Variants in DRC4 observed in about 807,000 individuals in gnomAD.
The protein encoded by DRC4 is dynein regulatory complex subunit 4.
the DRC4 span, chr16:90,037,456 A>G: frequency 1.3e-6 from 2 of 1,543,426 alleles, no homozygotes; most frequent in East Asian, 4.6e-5. Flanking sequence ...TAGGCTCAGG[A>G]GGGAGGAGCA....
chr16:90,023,229 G>A, the DRC4 span, among the ~76,000 whole-genome samples: 1 of 152,214 alleles, frequency 6.6e-6, no homozygotes, highest in African/African-American at 2.4e-5. Flanking sequence ...ACACCAAGGA[G>A]GCCCGGACAG....
the DRC4 span, chr16:90,042,352 C>T: frequency 7.7e-6 from 6 of 777,906 alleles, no homozygotes; most frequent in African/African-American, 8.5e-5. Context: ...TGGATGCATC[C>T]ATCAAACCAG....
chr16:90,036,500 C>T, the DRC4 span: 1 of 1,613,994 alleles, frequency 6.2e-7, no homozygotes, highest in East Asian at 2.2e-5. Context: ...CACGCTGATG[C>T]AGCGCCACGA....
chr16:90,032,405 T>G, the DRC4 span, among the ~76,000 whole-genome samples: 3 of 144,668 alleles, frequency 2.1e-5, no homozygotes, highest in East Asian at 4.2e-4. Context: ...GGTGAGGAGG[T>G]GTGGTACAGG....
chr16:90,037,336 G>T, the DRC4 span: 2 of 1,614,072 alleles, frequency 1.2e-6, no homozygotes, highest in East Asian at 4.5e-5. Flanking sequence ...AGAAGGCTCG[G>T]GAGGAGATGA....
the DRC4 span, chr16:90,040,475 C>T: frequency 6.2e-7 from 1 of 1,608,110 alleles, no homozygotes; most frequent in South Asian, 1.1e-5. Context: ...AACCTGGACC[C>T]TGCAGCCCTG....
chr16:90,031,582 T>G, the DRC4 span: 2 of 1,389,880 alleles, frequency 1.4e-6, no homozygotes, highest in Admixed American at 4.8e-5. Context: ...GGTGGGACAT[T>G]TTCTGTTCTT....
chr16:90,032,573 G>A, the DRC4 span: 4 of 700,098 alleles, frequency 5.7e-6, no homozygotes, highest in East Asian at 1.1e-4. Context: ...GTAAGGAGGT[G>A]TGGTACAGGT....
At chr16:90,031,228 C>A in the DRC4 span, 1 of 1,599,224 alleles carries the variant, frequency 6.3e-7, no homozygotes, top group Non-Finnish European at 8.5e-7. Context: ...TTGCCTTTCG[C>A]CGGCCACACG....
At chr16:90,035,834 C>G in the DRC4 span, 1 of 1,552,998 alleles carries the variant, frequency 6.4e-7, no homozygotes, top group South Asian at 1.2e-5. Context: ...TGGAAGTTTC[C>G]AAGGCCAGTG....
At chr16:90,029,174 T>C in the DRC4 span, 258 of 1,134,574 alleles carry the variant, frequency 2.3e-4, 1 homozygote, top group East Asian at 1.9e-3. Context: ...ACGGGGCAGC[T>C]TACGGGGCAG....
the DRC4 span, chr16:90,043,188 C>T: frequency 3.1e-6 from 5 of 1,604,816 alleles, no homozygotes; most frequent in African/African-American, 6.7e-5. Context: ...ACTGCCCTGT[C>T]TCCACAGGCC....
the DRC4 span, chr16:90,032,668 G>A: frequency 8.3e-6 from 13 of 1,571,634 alleles, no homozygotes; most frequent in Admixed American, 3.3e-5. Context: ...GTACGGAAAG[G>A]TGAGGAGGTG....
chr16:90,043,777 T>C, the DRC4 span: 1 of 472,266 alleles, frequency 2.1e-6, no homozygotes, highest in South Asian at 1.6e-5. Context: ...AGTGGGATTC[T>C]CCAGGGGGCC....
chr16:90,032,896 G>A, the DRC4 span: 9 of 1,613,822 alleles, frequency 5.6e-6, no homozygotes, highest in South Asian at 3.3e-5. Flanking sequence ...GAGCTGGCCA[G>A]TGAGGTGGTG....
the DRC4 span, chr16:90,019,824 G>C: frequency 1.5e-6 from 1 of 688,584 alleles, no homozygotes; most frequent in Non-Finnish European, 2.6e-6. This position sits in a 1 kb window ranked among gnomAD's most constrained non-coding sequence, Gnocchi z 6.1. Context: ...CTGGCGAGGG[G>C]CACAGGAGGG....
chr16:90,022,905 C>T, the DRC4 span, among the ~76,000 whole-genome samples: 10,317 of 152,224 alleles, frequency 0.068, 1,055 homozygotes, highest in African/African-American at 0.22. Flanking sequence ...CTCCCGGCCC[C>T]GGGGCCTGGC....
At chr16:90,042,692 G>A in the DRC4 span, among the ~76,000 whole-genome samples, 2 of 152,184 alleles carry the variant, frequency 1.3e-5, no homozygotes, top group African/African-American at 4.8e-5. Flanking sequence ...TCATAGCCGA[G>A]AGCATCTGGA....
chr16:90,044,113 C>G, the DRC4 span: 1 of 452,750 alleles, frequency 2.2e-6, no homozygotes. Context: ...ACCTTCCGCA[C>G]CAGAGGGACA....
Sources: allele counts gnomAD v4.1 joint callset (sites outside exome capture counted in the v4.1 genomes callset), GRCh38; gene constraint gnomAD v4.1.1; non-coding constraint Gnocchi (gnomAD v3.1); transcripts MANE v1.5; gene names NCBI Gene and HGNC (gene_info 2026-07-23, HGNC 2026-07-21).